TRMT10B: variants seen among roughly 807,000 people sequenced by gnomAD.
The protein encoded by TRMT10B is tRNA methyltransferase 10 homolog B.
A neutral mutation model predicts 43.8 loss-of-function variants in TRMT10B; 33 were observed. The observed-to-expected ratio is 0.75, with a 90% CI of 0.57 to 1.01. The LOEUF (loss-of-function observed/expected upper bound fraction) is 1.01, where lower values mean the gene tolerates loss of function less well. Among genes scored for constraint, TRMT10B ranks in the 50% least tolerant of loss-of-function variants. The pLI, the probability that TRMT10B is intolerant of heterozygous loss-of-function variation, is 0.00. For missense variants in TRMT10B, 362 were observed against 369.8 expected (o/e 0.98, Z 0.17); for synonymous variants, 137 against 130.6 (o/e 1.05, Z -0.34).
At chr9:37,759,328 A>G (rs1268169138) in intron 1 of TRMT10B, among the ~76,000 whole-genome samples, 1 of 152,234 alleles carries the variant, frequency 6.6e-6, no homozygotes, top group Non-Finnish European at 1.5e-5. Context: ...ATGCAGCAAC[A>G]TGTATAAGTC....
At chr9:37,772,502 A>C (rs1331535172) in intron 7 of TRMT10B, among the ~76,000 whole-genome samples, 3 of 152,058 alleles carry the variant, frequency 2.0e-5, no homozygotes, top group Non-Finnish European at 2.9e-5. Context: ...TCCAGCCTTG[A>C]ATTCTTGGAC....
chr9:37,757,125 C>G (rs1321799165), intron 1 of TRMT10B, among the ~76,000 whole-genome samples: 1 of 152,014 alleles, frequency 6.6e-6, no homozygotes, highest in African/African-American at 2.4e-5. Context: ...GCTGTGTCAC[C>G]CAGGTTGAAG....
rs961698977 is a variant in TRMT10B at position 37,763,257 on chromosome 9, A to G, written c.296-372A>G. Among the ~76,000 whole-genome samples the G allele has an allele frequency of 3.3e-5, 5 of 152,128 alleles. No individual in the cohort carries two copies. The South Asian group carries it at 1.0e-3, about 31-fold the overall frequency. ...AATAGGAGTGATACCAGCAACAGCT[A>G]ATATTTATTCAGTATTCTGTGTTAG... is the stretch of plus-strand genomic sequence containing the variant. On this transcript the variant is annotated intron_variant, in intron 3 of 8. Coordinates refer to ENST00000297994, the MANE Select transcript of TRMT10B (RefSeq NM_144964.4).
In TRMT10B at chr9:37,769,953, G is replaced by A. The variant is rs767212989; in HGVS notation, c.586G>A (p.Glu196Lys). 1.9e-6 allele frequency: 3 copies of A among 1,614,050 alleles called. No homozygotes were observed. The South Asian group carries it at 3.3e-5, about 18-fold the overall frequency. The change falls in exon 6 of 9, where the codon GAA becomes AAA. Residue 196 changes from glutamate (E) to lysine (K), a missense_variant. By Grantham distance (56) the Glu-to-Lys change is moderately conservative. Coordinates refer to ENST00000297994, the MANE Select transcript of TRMT10B (RefSeq NM_144964.4). ...GFSSYLLDIT[E>K]EDCFSLFPLE... is the part of the protein sequence containing the mutation. ...TTGCATTTTCCAGTTAGACATAACA[G>A]AAGAAGACTGCTTTAGTTTATTTCC... is the stretch of plus-strand genomic sequence containing the variant.
chr9:37,755,808 C>T (rs1302492562), intron 1 of TRMT10B, among the ~76,000 whole-genome samples: 2 of 152,074 alleles, frequency 1.3e-5, no homozygotes, highest in South Asian at 2.1e-4. Context: ...GGAGTGGTGG[C>T]GGTAAACTTC....
upstream of TRMT10B, among the ~76,000 whole-genome samples, chr9:37,753,181 G>A (rs78437600): frequency 5.0e-3 from 766 of 152,238 alleles, 5 homozygotes; most frequent in African/African-American, 0.018. Context: ...CCAGAAGGAA[G>A]AAACTCCAGA....
upstream of TRMT10B, among the ~76,000 whole-genome samples, chr9:37,753,041 C>T (rs1250235801): frequency 6.6e-6 from 1 of 152,066 alleles, no homozygotes; most frequent in Non-Finnish European, 1.5e-5. Context: ...GCAGCTCTTT[C>T]TTGAGGCCCG....
chr9:37,773,026 T>C (rs966000785), intron 7 of TRMT10B, among the ~76,000 whole-genome samples: 3 of 152,240 alleles, frequency 2.0e-5, no homozygotes, highest in Admixed American at 1.3e-4. Flanking sequence ...TGTGGTAAGG[T>C]AGAATGTCAT....
chr9:37,756,822 GTGTA>G (rs2118683076), intron 1 of TRMT10B, among the ~76,000 whole-genome samples: 1 of 151,380 alleles, frequency 6.6e-6, no homozygotes, highest in East Asian at 1.9e-4. Flanking sequence ...GTGCATATGT[GTGTA>G]TGCGTGTGTA....
At chr9:37,762,815 C>T in intron 3 of TRMT10B, 130 bp downstream of exon 3, 2 of 1,195,140 alleles carry the variant, frequency 1.7e-6, no homozygotes, top group Non-Finnish European at 2.3e-6. Context: ...GCCCTATTTT[C>T]TTGGGAATCA....
chr9:37,762,749 C>T, intron 3 of TRMT10B, 64 bp downstream of exon 3: 1 of 1,491,874 alleles, frequency 6.7e-7, no homozygotes, highest in Non-Finnish European at 9.0e-7. Flanking sequence ...TCTGCATGTT[C>T]CAATGAGAGT....
chr9:37,753,113 A>G (rs1314460210), upstream of TRMT10B, among the ~76,000 whole-genome samples: 1 of 151,552 alleles, frequency 6.6e-6, no homozygotes, highest in Non-Finnish European at 1.5e-5. Flanking sequence ...TAAGAGATTT[A>G]ACACTCATTG....
Position 37,763,738 on chromosome 9 carries a change from C to G in TRMT10B, c.405C>G (p.His135Gln). 1.2e-6 allele frequency: 2 copies of G among 1,614,052 alleles called. No homozygotes were observed. ...TATGTATCGATTTGAGTATGACCCA[C>G]TACATGTCAAAGAAGGTAGAACATC... is the stretch of plus-strand genomic sequence containing the variant. ...PRLCIDLSMT[H>Q]YMSKKELSRL... is the part of the protein sequence containing the mutation. Residue 135 changes from histidine to glutamine, a missense_variant, in exon 4 of 9, where the codon CAC (histidine) becomes CAG (glutamine). His to Gln is a conservative substitution (Grantham distance 24, BLOSUM62 0). Transcript: ENST00000297994.
chr9:37,775,919 T>G (rs1418839251), intron 7 of TRMT10B, among the ~76,000 whole-genome samples: 1 of 152,202 alleles, frequency 6.6e-6, no homozygotes, highest in Non-Finnish European at 1.5e-5. Flanking sequence ...TTCCTCTAAT[T>G]TGATGCTGCC....
chr9:37,756,766 A>G (rs771108209), intron 1 of TRMT10B, among the ~76,000 whole-genome samples: 6 of 151,660 alleles, frequency 4.0e-5, no homozygotes, highest in Non-Finnish European at 8.8e-5. Flanking sequence ...ATATATATAC[A>G]CATATATACA....
chr9:37,763,650 A>G lies in TRMT10B; in HGVS notation c.317A>G (p.Lys106Arg). 6.2e-7 allele frequency: 1 copy of G among 1,614,166 alleles called. No individual in the cohort carries two copies. The highest frequency in any genetic ancestry group is 8.5e-7 in the Non-Finnish European group (1 of 1,180,024). Reference sequence around the variant, plus strand: ...TTAGGCATTTGCCCCCAGCACAGCAAACGTTTCCTGAGAGCTCTAACCAAA... The same window carrying G: ...TTAGGCATTTGCCCCCAGCACAGCAGACGTTTCCTGAGAGCTCTAACCAAA... ...ENPGICPQHSKRFLRALTKDK... is the reference protein window; with the variant it reads ...ENPGICPQHSRRFLRALTKDK... Residue 106 changes from lysine (K) to arginine (R), a missense_variant, in exon 4 of 9, where the codon AAA (lysine) becomes AGA (arginine). Transcript: ENST00000297994.
At chr9:37,756,977 T>G (rs1352519885) in intron 1 of TRMT10B, among the ~76,000 whole-genome samples, 1 of 151,172 alleles carries the variant, frequency 6.6e-6, no homozygotes, top group Non-Finnish European at 1.5e-5. Context: ...GATACTGGCC[T>G]GGGCAACATA....
chr9:37,753,200 C>T (rs533223013), upstream of TRMT10B, among the ~76,000 whole-genome samples: 1 of 152,198 alleles, frequency 6.6e-6, no homozygotes, highest in African/African-American at 2.4e-5. Context: ...GACACGCAGT[C>T]TTTAAGAATT....
rs1037238940 is a variant in TRMT10B at position 37,776,515 on chromosome 9, C to A, written c.844+110C>A. 6 of 1,328,230 alleles carry A rather than the reference C, an allele frequency of 4.5e-6. No individual in the cohort carries two copies. In the Admixed American group the frequency reaches 1.8e-4, roughly 40 times the overall value. 82.3% of individuals were successfully genotyped at this position (1,328,230 alleles called of 1,614,324 possible). ...CTCCTCTGTGACTAATGTGTGTGGA[C>A]TTTATTGCATGTACGTCATGACATA... is the stretch of plus-strand genomic sequence containing the variant. On this transcript the variant is annotated intron_variant, in intron 8 of 8. Coordinates refer to ENST00000297994, the MANE Select transcript of TRMT10B (RefSeq NM_144964.4).
Sources: allele counts gnomAD v4.1 joint callset (sites outside exome capture counted in the v4.1 genomes callset), GRCh38; gene constraint gnomAD v4.1.1; transcripts MANE v1.5; gene names NCBI Gene and HGNC (gene_info 2026-07-23, HGNC 2026-07-21).